Variants in USO1 observed in about 807,000 individuals in gnomAD.
USO1 encodes the protein general vesicular transport factor p115.
In USO1, 57 loss-of-function variants were observed where a neutral mutation model predicts 124.5. The ratio of observed to expected loss-of-function variants is 0.46; its 90% CI spans 0.37 to 0.57. The LOEUF is 0.57. USO1 is among the 20% of genes least tolerant of loss of function. USO1 has a pLI of 0.00. For synonymous variants in USO1, 369 were observed against 362.8 expected, an observed-to-expected ratio of 1.02 and a Z score of -0.19; for missense variants, 900 against 1,040.6, an observed-to-expected ratio of 0.86 and a Z score of 1.86.
rs1343037646 is a variant in USO1 at position 75,752,613 on chromosome 4, CT to C, written c.218+10del. 1 of 398,346 alleles carries C rather than the reference CT, an allele frequency of 2.5e-6. No individual in the cohort carries two copies. Among genetic ancestry groups the C allele is most frequent in the Non-Finnish European group, 4.4e-6 (1 of 226,034 alleles). 24.7% of individuals were successfully genotyped at this position (398,346 alleles called of 1,614,324 possible). On this transcript the variant is annotated intron_variant, in intron 3 of 23. Transcript: ENST00000514213. The stretch of plus-strand genomic sequence containing the variant: ...GTTTTACAAACAGATCGGTAAGTCT[CT>C]GTTTAATGATTTTTTTCCCTAATTT...
intron 10 of USO1, 112 bp from the exon 11 acceptor site, chr4:75,790,037 TA>T: frequency 8.3e-7 from 1 of 1,203,516 alleles, no homozygotes; most frequent in Non-Finnish European, 1.1e-6. Context: ...CCCTAAAACT[TA>T]AAGTATAATA....
chr4:75,791,093 G>A (rs1338880995), intron 12 of USO1, among the ~76,000 whole-genome samples: 1 of 152,116 alleles, frequency 6.6e-6, no homozygotes, highest in Non-Finnish European at 1.5e-5. Flanking sequence ...ATCTCTATGT[G>A]GGGTTAATAC....
chr4:75,785,493 T>C (rs950061026), intron 9 of USO1, among the ~76,000 whole-genome samples: 22 of 152,228 alleles, frequency 1.4e-4, no homozygotes, highest in African/African-American at 5.3e-4. Flanking sequence ...ATTTTCATTC[T>C]AGGGTAGTTT....
chr4:75,793,205 C>CTTTTTTT (rs67560505), intron 12 of USO1, among the ~76,000 whole-genome samples: 2 of 87,728 alleles, frequency 2.3e-5, no homozygotes, highest in Non-Finnish European at 4.3e-5. Context: ...TCTCTCTCTC[C>CTTTTTTT]TTTTTTTTTT....
At chr4:75,733,004 T>A (rs1332599182) in intron 1 of USO1, among the ~76,000 whole-genome samples, 1 of 150,344 alleles carries the variant, frequency 6.7e-6, no homozygotes, top group Non-Finnish European at 1.5e-5. Flanking sequence ...CTCATGCCTA[T>A]AATCTTAGCA....
chr4:75,788,478 A>C (rs528964821), intron 10 of USO1, among the ~76,000 whole-genome samples: 92 of 151,560 alleles, frequency 6.1e-4, no homozygotes, highest in African/African-American at 2.1e-3. Flanking sequence ...TGGATCACAT[A>C]TCTTTTTCCT....
At chr4:75,725,715 T>C (rs1014930740) in intron 1 of USO1, among the ~76,000 whole-genome samples, 3 of 152,230 alleles carry the variant, frequency 2.0e-5, no homozygotes, top group African/African-American at 2.4e-5. Flanking sequence ...GGTTAGTGTT[T>C]AATGGAATCG....
intron 4 of USO1, among the ~76,000 whole-genome samples, chr4:75,762,504 T>TA (rs1025433659): frequency 3.9e-5 from 6 of 152,040 alleles, no homozygotes; most frequent in African/African-American, 1.4e-4. Flanking sequence ...CTTTTTTTTT[T>TA]AAAGTATTTC....
At chr4:75,775,109 G>A (rs577540115) in intron 8 of USO1, among the ~76,000 whole-genome samples, 22 of 152,246 alleles carry the variant, frequency 1.4e-4, no homozygotes, top group African/African-American at 4.1e-4. Flanking sequence ...TGGTGATAGG[G>A]AGTTGAGTTG....
intron 19 of USO1, 118 bp from the exon 20 acceptor site, chr4:75,806,368 T>C (rs1331803818): frequency 4.7e-5 from 58 of 1,226,880 alleles, no homozygotes; most frequent in Non-Finnish European, 5.8e-5. Context: ...AATTAAAAGG[T>C]TGGTGTGAAT....
rs112681764 is a variant in USO1, at chr4:75,791,343, G to T, written c.1240+546G>T. On this transcript the variant is annotated intron_variant, in intron 12 of 23. Coordinates refer to ENST00000514213, the MANE Select transcript of USO1 (RefSeq NM_003715.4). ...GTTCGAGACCAGCCTAGCCAACATGGTGAAACCCCGTCTCTACTAAAAATA... is the reference window on the plus strand; with the variant it reads ...GTTCGAGACCAGCCTAGCCAACATGTTGAAACCCCGTCTCTACTAAAAATA... Among the ~76,000 whole-genome samples the T allele has an allele frequency of 7.2e-5, 11 of 152,294 alleles. 1 individual carries two copies. Among genetic ancestry groups the T allele is most frequent in the African/African-American group, 2.6e-4 (11 of 41,554 alleles).
At chr4:75,790,577 T>C (rs1052598488) in intron 11 of USO1, 66 bp from the exon 12 acceptor site, 72 of 1,532,320 alleles carry the variant, frequency 4.7e-5, no homozygotes, top group African/African-American at 4.2e-4. Context: ...CAAAAATGAC[T>C]AGTTATTGAC....
chr4:75,770,820 A>G lies in USO1; in HGVS notation c.397-2A>G. The G allele has an allele frequency of 6.2e-7, 1 of 1,605,402 alleles. No individual in the cohort carries two copies. The highest frequency in any genetic ancestry group is 8.5e-7 in the Non-Finnish European group (1 of 1,177,828). ...TAAATATTTTGAATTCTTACATTGC[A>G]GGAGTTTGATTTCCATGTCCGCTGG... On this transcript the variant is annotated splice_acceptor_variant, in intron 5 of 23. Transcript: ENST00000514213. LOFTEE classifies it high-confidence loss of function.
chr4:75,806,685 A>C (rs1723006902), intron 20 of USO1, 113 bp downstream of exon 20: 1 of 1,338,196 alleles, frequency 7.5e-7, no homozygotes, highest in Non-Finnish European at 1.0e-6. Context: ...GTAAAATTTA[A>C]GTTAAGACAG....
chr4:75,804,252 ATCT>A lies in USO1; in HGVS notation c.2110_2112del (p.Leu704del), dbSNP rs775249088. Reference sequence around the variant, plus strand: ...ATCCAGCAGCACAAAGACCAGTATAATCTTCTTAAAATACAGCTAGGTAAGCAT... The same window carrying A: ...ATCCAGCAGCACAAAGACCAGTATAATCTTAAAATACAGCTAGGTAAGCAT... On this transcript the variant is annotated inframe_deletion, in exon 18 of 24. Transcript: ENST00000514213. 3.0e-5 allele frequency: 49 copies of A among 1,611,548 alleles called. No individual in the cohort carries two copies. In the East Asian group the frequency reaches 6.5e-4, roughly 21 times the overall value.
At chr4:75,782,599 A>T in intron 8 of USO1, 81 bp from the exon 9 acceptor site, 1 of 1,466,942 alleles carries the variant, frequency 6.8e-7, no homozygotes, top group Non-Finnish European at 9.0e-7. Context: ...GAGCATGGAG[A>T]TTTATCTTTT....
At chr4:75,778,407 C>G (rs1404721898) in intron 8 of USO1, among the ~76,000 whole-genome samples, 3 of 152,152 alleles carry the variant, frequency 2.0e-5, no homozygotes, top group African/African-American at 7.2e-5. Context: ...TCCTTGTCAT[C>G]TTCATGTTGA....
At chr4:75,742,414 C>A (rs151278972) in intron 1 of USO1, among the ~76,000 whole-genome samples, 2 of 152,126 alleles carry the variant, frequency 1.3e-5, no homozygotes, top group African/African-American at 2.4e-5. Context: ...AATGTCGTTA[C>A]GTAGGCCATG....
chr4:75,790,318 C>T, intron 11 of USO1, 80 bp downstream of exon 11: 2 of 1,473,828 alleles, frequency 1.4e-6, no homozygotes, highest in South Asian at 1.4e-5. Flanking sequence ...ACACATCTTA[C>T]TCTTTTTAAA....
Sources: allele counts gnomAD v4.1 joint callset (sites outside exome capture counted in the v4.1 genomes callset), GRCh38; gene constraint gnomAD v4.1.1; transcripts MANE v1.5; gene names NCBI Gene and HGNC (gene_info 2026-07-23, HGNC 2026-07-21).